SLC15A1: variants seen among roughly 807,000 people sequenced by gnomAD.
SLC15A1 encodes solute carrier family 15 member 1.
A neutral mutation model predicts 92.9 loss-of-function variants in SLC15A1; 83 were observed. That is an observed-to-expected ratio of 0.89 (90% CI 0.75 to 1.07). SLC15A1 has a LOEUF of 1.07. Among genes scored for constraint, SLC15A1 ranks in the 50% least tolerant of loss-of-function variants. The pLI is 0.00. For missense variants in SLC15A1, 857 were observed against 880.1 expected, an observed-to-expected ratio of 0.97 and a Z score of 0.33; for synonymous variants, 322 against 318.2, an observed-to-expected ratio of 1.01 and a Z score of -0.13.
chr13:98,687,499 C>T (rs1195399889), intron 21 of SLC15A1, 82 bp downstream of exon 21: 1 of 1,493,758 alleles, frequency 6.7e-7, no homozygotes, highest in African/African-American at 1.4e-5. Flanking sequence ...ATATAGTTAT[C>T]CCAGATTTAA....
At position 98,684,690 on chromosome 13, in the gene SLC15A1, G is replaced by C; in HGVS notation, c.*34C>G. On this transcript the variant is annotated 3_prime_UTR_variant, in exon 23 of 23. Coordinates refer to ENST00000376503, the MANE Select transcript of SLC15A1 (RefSeq NM_005073.4). ...TGGGGGCAGAGGTCAGGGCATCTGC[G>C]GGCCCAGTCCATCCTCCACTTGCCT... 1.3e-6 allele frequency: 2 copies of C among 1,591,634 alleles called. No individual in the cohort carries two copies. Among genetic ancestry groups the C allele is most frequent in the Non-Finnish European group, 1.7e-6 (2 of 1,161,814 alleles).
At chr13:98,744,048 T>C (rs1224312872) in intron 1 of SLC15A1, among the ~76,000 whole-genome samples, 8 of 151,892 alleles carry the variant, frequency 5.3e-5, no homozygotes, top group African/African-American at 1.9e-4. Context: ...GAAACAAGCC[T>C]GGGCAATGTG....
chr13:98,724,103 A>G, intron 4 of SLC15A1, 72 bp from the exon 5 acceptor site: 1 of 1,583,500 alleles, frequency 6.3e-7, no homozygotes, highest in Non-Finnish European at 8.6e-7. Flanking sequence ...CCACCACAAA[A>G]GACCCCCTCC....
chr13:98,741,292 A>G (rs566562655), intron 1 of SLC15A1, among the ~76,000 whole-genome samples: 1 of 152,328 alleles, frequency 6.6e-6, no homozygotes, highest in Admixed American at 6.5e-5. Context: ...GGCTGTGCCC[A>G]TCCTCAACTG....
chr13:98,734,474 G>C (rs77657433), intron 1 of SLC15A1, among the ~76,000 whole-genome samples: 25 of 152,228 alleles, frequency 1.6e-4, no homozygotes, highest in African/African-American at 5.8e-4. Context: ...AAGCAGAGTG[G>C]AGCATCGCCT....
intron 8 of SLC15A1, among the ~76,000 whole-genome samples, chr13:98,716,422 GA>G (rs1235257400): frequency 6.6e-6 from 1 of 152,144 alleles, no homozygotes; most frequent in Non-Finnish European, 1.5e-5. Flanking sequence ...AGGAGTTTGA[GA>G]CCAGCCTGAC....
At chr13:98,688,215 A>G in intron 20 of SLC15A1, 33 bp downstream of exon 20, 1 of 1,386,482 alleles carries the variant, frequency 7.2e-7, no homozygotes, top group Non-Finnish European at 1.0e-6. Flanking sequence ...GAGTATGAGC[A>G]GATCTTCTGA....
intron 18 of SLC15A1, among the ~76,000 whole-genome samples, chr13:98,689,218 G>A (rs1352317236): frequency 2.0e-5 from 3 of 152,196 alleles, no homozygotes; most frequent in Admixed American, 1.3e-4. Context: ...GGGATTGCAG[G>A]TGGGAGCCAC....
intron 1 of SLC15A1, among the ~76,000 whole-genome samples, chr13:98,734,960 G>A (rs1298817977): frequency 2.0e-5 from 3 of 152,136 alleles, no homozygotes; most frequent in Non-Finnish European, 4.4e-5. Flanking sequence ...AGAAAAAGAG[G>A]GAATCCTCCA....
chr13:98,695,779 C>T (rs1371397548), intron 18 of SLC15A1, among the ~76,000 whole-genome samples: 1 of 152,084 alleles, frequency 6.6e-6, no homozygotes, highest in Non-Finnish European at 1.5e-5. Flanking sequence ...CTTACTGATA[C>T]CACATAGTCA....
intron 18 of SLC15A1, among the ~76,000 whole-genome samples, chr13:98,701,488 T>C: frequency 6.6e-6 from 1 of 151,554 alleles, no homozygotes; most frequent in South Asian, 2.1e-4. Flanking sequence ...TAGAAATTTA[T>C]TTATTTATAT....
intron 20 of SLC15A1, 94 bp downstream of exon 20, chr13:98,688,153 CT>C: frequency 1.2e-6 from 1 of 806,514 alleles, no homozygotes; most frequent in Non-Finnish European, 2.0e-6. Flanking sequence ...CCTAATATCA[CT>C]CTAGTTAAAT....
At chr13:98,704,535 G>A (rs1013010549) in intron 16 of SLC15A1, 100 bp from the exon 17 acceptor site, 4 of 1,243,962 alleles carry the variant, frequency 3.2e-6, no homozygotes, top group African/African-American at 1.5e-5. Flanking sequence ...GCATTTCCAG[G>A]TTCATGTTCA....
chr13:98,722,289 C>T (rs1593998091), intron 5 of SLC15A1, among the ~76,000 whole-genome samples: 1 of 152,092 alleles, frequency 6.6e-6, no homozygotes, highest in Non-Finnish European at 1.5e-5. Flanking sequence ...CATTAAGTAA[C>T]ATTGGAAAAC....
chr13:98,699,620 T>C (rs959802850), intron 18 of SLC15A1, among the ~76,000 whole-genome samples: 21 of 152,198 alleles, frequency 1.4e-4, no homozygotes, highest in African/African-American at 4.3e-4. Context: ...TCCAGTTCTC[T>C]AGGGTAAATA....
chr13:98,690,260 G>C (rs1449790432), intron 18 of SLC15A1, among the ~76,000 whole-genome samples: 1 of 152,182 alleles, frequency 6.6e-6, no homozygotes, highest in African/African-American at 2.4e-5. Context: ...TCAAATTTTA[G>C]GTGCTGGGAG....
At chr13:98,708,576 G>C in intron 15 of SLC15A1, 110 bp downstream of exon 15, 2 of 889,598 alleles carry the variant, frequency 2.2e-6, no homozygotes, top group Non-Finnish European at 3.3e-6. Context: ...TCAGTTTACA[G>C]AGAAAGACCT....
intron 1 of SLC15A1, among the ~76,000 whole-genome samples, chr13:98,733,079 G>A (rs1196651125): frequency 6.6e-6 from 1 of 152,100 alleles, no homozygotes; most frequent in Non-Finnish European, 1.5e-5. Context: ...TTGGGGGAGG[G>A]GTCCCCAAGT....
chr13:98,734,362 C>T (rs61970112), intron 1 of SLC15A1, among the ~76,000 whole-genome samples: 11 of 152,186 alleles, frequency 7.2e-5, no homozygotes, highest in Non-Finnish European at 1.3e-4. Flanking sequence ...TCAGCGTGAT[C>T]AACACAGAAG....
Sources: allele counts gnomAD v4.1 joint callset (sites outside exome capture counted in the v4.1 genomes callset), GRCh38; gene constraint gnomAD v4.1.1; transcripts MANE v1.5; gene names NCBI Gene and HGNC (gene_info 2026-07-23, HGNC 2026-07-21).